Variants in UBASH3B observed in about 807,000 individuals in gnomAD.
UBASH3B encodes the protein ubiquitin associated and SH3 domain containing B.
UBASH3B carries 37 observed loss-of-function variants against 83.4 expected under a neutral mutation model. That is an observed-to-expected ratio of 0.44 (90% CI 0.34 to 0.58). The LOEUF (loss-of-function observed/expected upper bound fraction) is 0.58, where lower values mean the gene tolerates loss of function less well. Ranked by LOEUF, UBASH3B falls within the 20% of genes least tolerant of loss-of-function variation. The pLI is 0.01. For missense variants in UBASH3B, 657 were observed against 827.2 expected, an observed-to-expected ratio of 0.79 and a Z score of 2.52; for synonymous variants, 304 against 318.3, an observed-to-expected ratio of 0.96 and a Z score of 0.48.
At chr11:122,739,187 G>A (rs1860984798) in intron 1 of UBASH3B, among the ~76,000 whole-genome samples, 1 of 152,164 alleles carries the variant, frequency 6.6e-6, no homozygotes, top group Admixed American at 6.5e-5. Context: ...TGTAGAGACA[G>A]GGTCTCACTA....
At chr11:122,769,711 A>G (rs1012224965) in intron 1 of UBASH3B, among the ~76,000 whole-genome samples, 7 of 152,218 alleles carry the variant, frequency 4.6e-5, no homozygotes, top group Non-Finnish European at 7.3e-5. Context: ...TATACCCCAA[A>G]AGAATACCTC....
Position 122,811,786 on chromosome 11 carries a change from G to C in UBASH3B, c.*1900G>C, listed in dbSNP as rs1334311227. 1.3e-5 allele frequency: 2 copies of C among 152,178 alleles called. No homozygotes were observed. Among genetic ancestry groups the C allele is most frequent in the Non-Finnish European group, 2.9e-5 (2 of 68,040 alleles). The allele number at this position is 152,178 out of a possible 1,614,324, so 9.4% of individuals were successfully genotyped here. On this transcript the variant is annotated 3_prime_UTR_variant, in exon 14 of 14. Transcript: ENST00000284273. Reference sequence around the variant, plus strand: ...GATGTGTTAATATAAAATGTTGGGAGGGAATATTCCCAATAAAGGTCTTAA... The same window carrying C: ...GATGTGTTAATATAAAATGTTGGGACGGAATATTCCCAATAAAGGTCTTAA...
At chr11:122,732,935 C>A (rs1266151805) in intron 1 of UBASH3B, among the ~76,000 whole-genome samples, 1 of 152,122 alleles carries the variant, frequency 6.6e-6, no homozygotes, top group Non-Finnish European at 1.5e-5. Context: ...GTATCTCTCT[C>A]AATGAATCAT....
At chr11:122,767,697 C>A (rs1860574804) in intron 1 of UBASH3B, among the ~76,000 whole-genome samples, 1 of 152,132 alleles carries the variant, frequency 6.6e-6, no homozygotes, top group Admixed American at 6.5e-5. Context: ...TCGCTTTTCC[C>A]AAGCCACACA....
intron 5 of UBASH3B, 106 bp downstream of exon 5, chr11:122,783,328 A>T: frequency 7.4e-7 from 1 of 1,342,798 alleles, no homozygotes; most frequent in Non-Finnish European, 1.0e-6. Context: ...AAAATGGAGC[A>T]AGCACCTAAC....
rs1218440506 is a variant in UBASH3B, at chr11:122,813,024, TCTA to T, written c.*3141_*3143del. 3.3e-5 allele frequency: 5 copies of T among 152,660 alleles called. No homozygotes were observed. Among genetic ancestry groups the T allele is most frequent in the South Asian group, 2.1e-4 (1 of 4,832 alleles). 9.5% of individuals were successfully genotyped at this position (152,660 alleles called of 1,614,324 possible). On this transcript the variant is annotated 3_prime_UTR_variant, in exon 14 of 14. Transcript: ENST00000284273. ...CTGTAGTGAAAGGCTTGGAGGAGTT[TCTA>T]CTTTTTATTTTAATTATACTTTAAC... is the stretch of plus-strand genomic sequence containing the variant.
chr11:122,794,992 G>C (rs1442327404), intron 7 of UBASH3B, among the ~76,000 whole-genome samples, 158 bp downstream of exon 7: 6 of 152,090 alleles, frequency 3.9e-5, no homozygotes, highest in Non-Finnish European at 8.8e-5. Context: ...AAAATTCAAG[G>C]CTAGGAAGAG....
chr11:122,663,695 C>G (rs943938315), intron 1 of UBASH3B, among the ~76,000 whole-genome samples: 2 of 152,194 alleles, frequency 1.3e-5, no homozygotes, highest in African/African-American at 4.8e-5. Context: ...CTTGGCCATC[C>G]AGAAGCTGAA....
At position 122,811,750 on chromosome 11, in the gene UBASH3B, A is replaced by G. The variant is rs1861451997; in HGVS notation, c.*1864A>G. The G allele has an allele frequency of 6.6e-6, 1 of 152,194 alleles. No individual in the cohort carries two copies. Among genetic ancestry groups the G allele is most frequent in the African/African-American group, 2.4e-5 (1 of 41,458 alleles). The allele number at this position is 152,194 out of a possible 1,614,324, so 9.4% of individuals were successfully genotyped here. On this transcript the variant is annotated 3_prime_UTR_variant, in exon 14 of 14. Transcript: ENST00000284273. ...TGACCCAGCTTCTGGGTATGGAAAT[A>G]ACCCTGTGATGATGTGTTAATATAA... is the stretch of plus-strand genomic sequence containing the variant.
chr11:122,691,958 C>T (rs546972412), intron 1 of UBASH3B, among the ~76,000 whole-genome samples: 6 of 152,178 alleles, frequency 3.9e-5, no homozygotes, highest in South Asian at 4.2e-4. Context: ...TGAAGGAGGG[C>T]GGTAGGTCAG....
chr11:122,776,814 A>G (rs1453030902), intron 2 of UBASH3B, among the ~76,000 whole-genome samples: 1 of 152,154 alleles, frequency 6.6e-6, no homozygotes, highest in Non-Finnish European at 1.5e-5. Context: ...AGGAGGCAAA[A>G]TGACAAGAAG....
chr11:122,690,155 G>A (rs1211550296), intron 1 of UBASH3B, among the ~76,000 whole-genome samples: 1 of 112,998 alleles, frequency 8.8e-6, no homozygotes, highest in Non-Finnish European at 1.8e-5. Flanking sequence ...GCCTGCTCCC[G>A]AGGCAGGAAA....
intron 12 of UBASH3B, among the ~76,000 whole-genome samples, chr11:122,807,130 C>A (rs1253723232): frequency 6.6e-6 from 1 of 152,154 alleles, no homozygotes; most frequent in Non-Finnish European, 1.5e-5. Context: ...ATGATTCCCA[C>A]CTTCCAGTTT....
chr11:122,778,952 C>T (rs1172628774), intron 3 of UBASH3B, among the ~76,000 whole-genome samples: 2 of 152,104 alleles, frequency 1.3e-5, no homozygotes, highest in South Asian at 2.1e-4. Context: ...TGGCGTATAA[C>T]ATGATGGTTG....
intron 5 of UBASH3B, among the ~76,000 whole-genome samples, chr11:122,788,198 C>T (rs1048352395): frequency 6.6e-6 from 1 of 152,156 alleles, no homozygotes; most frequent in Non-Finnish European, 1.5e-5. Context: ...GATGTCTAGA[C>T]ATTTTTCTTT....
At position 122,798,982 on chromosome 11, in the gene UBASH3B, C is replaced by T. The variant is rs749964295; in HGVS notation, c.1398C>T (p.Val466=). ...AGAGCAATACCATTATCGATCATGT[C>T]TATTGCTCCCCGTCCCTTCGCTGCG... is the stretch of plus-strand genomic sequence containing the variant. ...LLESNTIIDH[V]YCSPSLRCVQ... The change falls in exon 10 of 14, where the codon GTC becomes GTT. Residue 466 remains valine, a synonymous_variant. Coordinates refer to ENST00000284273, the MANE Select transcript of UBASH3B (RefSeq NM_032873.5). 4 of 1,614,116 alleles carry T rather than the reference C, an allele frequency of 2.5e-6. No homozygotes were observed. The highest frequency in any genetic ancestry group is 3.4e-6 in the Non-Finnish European group (4 of 1,180,002).
chr11:122,729,541 G>GT (rs1435248188), intron 1 of UBASH3B, among the ~76,000 whole-genome samples: 1 of 152,152 alleles, frequency 6.6e-6, no homozygotes, highest in African/African-American at 2.4e-5. Flanking sequence ...AAGTGATTAT[G>GT]TTAAAGATAA....
At chr11:122,804,564 G>C (rs1253777083) in intron 11 of UBASH3B, among the ~76,000 whole-genome samples, 1 of 152,156 alleles carries the variant, frequency 6.6e-6, no homozygotes, top group Non-Finnish European at 1.5e-5. Context: ...AGGGAAGTCA[G>C]CTGCAGCCTT....
intron 5 of UBASH3B, among the ~76,000 whole-genome samples, chr11:122,784,872 G>A (rs190585991): frequency 6.0e-4 from 91 of 152,298 alleles, no homozygotes; most frequent in Non-Finnish European, 1.6e-4. Context: ...AAGATGCCTT[G>A]AGCAGACTGG....
Sources: allele counts gnomAD v4.1 joint callset (sites outside exome capture counted in the v4.1 genomes callset), GRCh38; gene constraint gnomAD v4.1.1; transcripts MANE v1.5; gene names NCBI Gene and HGNC (gene_info 2026-07-23, HGNC 2026-07-21).